SCLY: variants seen among roughly 807,000 people sequenced by gnomAD.
SCLY encodes the protein selenocysteine lyase.
SCLY carries 38 observed loss-of-function variants against 50.1 expected under a neutral mutation model. The observed-to-expected ratio is 0.76, with a 90% CI of 0.59 to 0.99. The LOEUF is 0.99. SCLY is among the 50% of genes least tolerant of loss of function. The pLI is 0.00. For missense variants in SCLY, 600 were observed against 620.0 expected, an observed-to-expected ratio of 0.97 and a Z score of 0.34; for synonymous variants, 243 against 249.4, an observed-to-expected ratio of 0.97 and a Z score of 0.24.
At chr2:238,096,904 G>C (rs2065443207) in intron 11 of SCLY, 28 bp downstream of exon 11, 1 of 1,575,532 alleles carries the variant, frequency 6.3e-7, no homozygotes, top group Non-Finnish European at 8.6e-7. Flanking sequence ...ACCCAGTCCA[G>C]GGCATAGGGG....
At chr2:238,076,385 C>G (rs950543160) in intron 4 of SCLY, among the ~76,000 whole-genome samples, 10 of 152,178 alleles carry the variant, frequency 6.6e-5, no homozygotes, top group Non-Finnish European at 1.2e-4. Context: ...AGCCACCACA[C>G]CCAGACGTTT....
At position 238,061,096 on chromosome 2, in the gene SCLY, C is replaced by T; in HGVS notation, c.42C>T (p.Pro14=). ...CGCCGGGGAGGGATGCGCCGGCACC[C>T]GCGGCGAGTCAGCCCAGCGGCTGCG... The part of the protein sequence containing the change: ...AVAPGRDAPA[P]AASQPSGCGK... Residue 14 remains proline, a synonymous_variant, in exon 1 of 12, where the codon CCC becomes CCT. Coordinates refer to ENST00000254663, the MANE Select transcript of SCLY (RefSeq NM_016510.7). 1 of 1,403,252 alleles carries T rather than the reference C, an allele frequency of 7.1e-7. No individual in the cohort carries two copies. The highest frequency in any genetic ancestry group is 9.2e-7 in the Non-Finnish European group (1 of 1,088,436). 86.9% of individuals were successfully genotyped at this position (1,403,252 alleles called of 1,614,324 possible).
In SCLY at chr2:238,067,728, G is replaced by A. The variant is rs62195979; in HGVS notation, c.203-337G>A. On this transcript the variant is annotated intron_variant, in intron 2 of 11. Coordinates refer to ENST00000254663, the MANE Select transcript of SCLY (RefSeq NM_016510.7). The surrounding 1 kb of genome is among the most constrained non-coding windows in gnomAD (Gnocchi z 4.3). ...TCCTCTCTTGATGAATGGGAAGCAA[G>A]GCAGATGGCCACAGCTGCCCTCCCT... Among the ~76,000 whole-genome samples the A allele has an allele frequency of 1.3e-5, 2 of 152,224 alleles. No individual in the cohort carries two copies. Among genetic ancestry groups the A allele is most frequent in the African/African-American group, 4.8e-5 (2 of 41,460 alleles).
chr2:238,064,293 C>A, intron 1 of SCLY, 64 bp from the exon 2 acceptor site: 2 of 1,017,752 alleles, frequency 2.0e-6, no homozygotes, highest in Non-Finnish European at 1.5e-6. Context: ...AGACACAGAG[C>A]AGCCATATTT....
At chr2:238,075,274 T>C (rs1344257534) in intron 4 of SCLY, among the ~76,000 whole-genome samples, 1 of 152,228 alleles carries the variant, frequency 6.6e-6, no homozygotes, top group African/African-American at 2.4e-5. Flanking sequence ...TGTTTTTAGA[T>C]TTGGTTCACT....
chr2:238,062,384 A>G (rs2065026577), intron 1 of SCLY, among the ~76,000 whole-genome samples: 1 of 150,252 alleles, frequency 6.7e-6, no homozygotes, highest in African/African-American at 2.4e-5. Context: ...CAAACTTGTC[A>G]AAGCCTTGTA....
intron 1 of SCLY, chr2:238,061,415 G>T: frequency 1.6e-6 from 1 of 621,606 alleles, no homozygotes; most frequent in Non-Finnish European, 3.0e-6. Context: ...GGGAAGCAGA[G>T]CCTGCCAGGA....
chr2:238,094,019 G>A, intron 9 of SCLY, 75 bp downstream of exon 9: 6 of 1,305,116 alleles, frequency 4.6e-6, no homozygotes, highest in Non-Finnish European at 5.4e-6. Flanking sequence ...GGGGTGTGGT[G>A]CTCCCAGACC....
intron 7 of SCLY, among the ~76,000 whole-genome samples, chr2:238,089,134 G>A (rs1205670320): frequency 6.6e-6 from 1 of 151,776 alleles, no homozygotes; most frequent in Non-Finnish European, 1.5e-5. Flanking sequence ...ATGAACAGGT[G>A]GACAGTAACA....
At chr2:238,094,580 A>C (rs775171556) in intron 10 of SCLY, 58 bp downstream of exon 10, 1 of 1,423,104 alleles carries the variant, frequency 7.0e-7, no homozygotes, top group Middle Eastern at 1.9e-4. Context: ...CGGTGCGTGG[A>C]TTCTGGTCCG....
intron 11 of SCLY, among the ~76,000 whole-genome samples, 199 bp downstream of exon 11, chr2:238,097,075 G>A (rs1294352790): frequency 2.0e-5 from 3 of 152,002 alleles, no homozygotes; most frequent in African/African-American, 7.2e-5. Flanking sequence ...TAGGACTTGT[G>A]CGGGAGAAGA....
intron 4 of SCLY, among the ~76,000 whole-genome samples, chr2:238,072,148 C>T (rs1424724619): frequency 1.3e-5 from 2 of 152,082 alleles, no homozygotes; most frequent in Non-Finnish European, 2.9e-5. Flanking sequence ...AATCTTATAA[C>T]GTGCTCTTTT....
intron 4 of SCLY, chr2:238,081,505 C>T (rs1028041062): frequency 3.5e-5 from 21 of 602,048 alleles, no homozygotes; most frequent in African/African-American, 9.3e-5. Flanking sequence ...ACTGCAGCCG[C>T]GTTAAAGACA....
chr2:238,087,058 C>T (rs2065305871), intron 7 of SCLY, among the ~76,000 whole-genome samples: 1 of 151,316 alleles, frequency 6.6e-6, no homozygotes, highest in Non-Finnish European at 1.5e-5. Context: ...GGCGTGGTGG[C>T]TCACATTTCT....
intron 7 of SCLY, among the ~76,000 whole-genome samples, chr2:238,086,823 C>G (rs866987816): frequency 1.3e-5 from 2 of 151,620 alleles, no homozygotes; most frequent in South Asian, 4.2e-4. Context: ...AGTTTGAGAC[C>G]AGCCTGACCA....
At chr2:238,063,160 A>C (rs536051005) in intron 1 of SCLY, among the ~76,000 whole-genome samples, 1 of 152,158 alleles carries the variant, frequency 6.6e-6, no homozygotes, top group African/African-American at 2.4e-5. Flanking sequence ...TCAGATGATG[A>C]TGCTGCCCAG....
In SCLY at chr2:238,098,605, A is replaced by AGGACCGCCCACATGGGAACGCCCACATG. The variant is rs1691317470; in HGVS notation, c.*267_*268insACGCCCACATGGGACCGCCCACATGGGA. Reference sequence around the variant, plus strand: ...ACCGCCCACATAGGACCGCCCACATAGGACCGCCCACATGGGACCGCCCAC... The same window carrying AGGACCGCCCACATGGGAACGCCCACATG: ...ACCGCCCACATAGGACCGCCCACATAGGACCGCCCACATGGGAACGCCCACATGGGACCGCCCACATGGGACCGCCCAC... On this transcript the variant is annotated 3_prime_UTR_variant, in exon 12 of 12. Coordinates refer to ENST00000254663, the MANE Select transcript of SCLY (RefSeq NM_016510.7). The AGGACCGCCCACATGGGAACGCCCACATG allele has an allele frequency of 3.1e-3, 965 of 311,382 alleles. 46 individuals are homozygous for AGGACCGCCCACATGGGAACGCCCACATG. The highest frequency in any genetic ancestry group is 5.1e-3 in the Admixed American group (76 of 14,806). The allele number at this position is 311,382 out of a possible 1,614,324, so 19.3% of individuals were successfully genotyped here. A position where few individuals can be genotyped will look rare whatever the true frequency, so the allele number is the denominator to read the frequency against.
chr2:238,065,675 A>ATTATTATTT (rs1419144628), intron 2 of SCLY, among the ~76,000 whole-genome samples: 1 of 147,504 alleles, frequency 6.8e-6, no homozygotes, highest in South Asian at 2.1e-4. Context: ...TATTATTATT[A>ATTATTATTT]TTATTATTAT....
intron 3 of SCLY, among the ~76,000 whole-genome samples, chr2:238,068,528 A>G (rs1455207172): frequency 6.6e-6 from 1 of 152,168 alleles, no homozygotes; most frequent in East Asian, 1.9e-4. Context: ...CATCCTGGGC[A>G]AGAGAGTGAG....
Sources: allele counts gnomAD v4.1 joint callset (sites outside exome capture counted in the v4.1 genomes callset), GRCh38; gene constraint gnomAD v4.1.1; non-coding constraint Gnocchi (gnomAD v3.1); transcripts MANE v1.5; gene names NCBI Gene and HGNC (gene_info 2026-07-23, HGNC 2026-07-21).